The following PRKCZ variants were observed in gnomAD, a reference collection of about 807,000 sequenced individuals.
The protein encoded by PRKCZ is protein kinase C zeta, also known as protein kinase C zeta type.
PRKCZ carries 33 observed loss-of-function variants against 79.5 expected under a neutral mutation model. That is an observed-to-expected ratio of 0.41 (90% CI 0.31 to 0.55). PRKCZ has a LOEUF of 0.55. Among genes scored for constraint, PRKCZ ranks in the 20% least tolerant of loss-of-function variants. The probability of loss-of-function intolerance (pLI) is 0.19; values close to 1 mark genes in which losing one functional copy is unlikely to be tolerated. For synonymous variants in PRKCZ, 342 were observed against 320.9 expected (o/e 1.07, Z -0.70); for missense variants, 578 against 813.5 (o/e 0.71, Z 3.52).
intron 5 of PRKCZ, chr1:2,142,560 TTGGG>T (rs1275629579): frequency 7.6e-6 from 2 of 262,764 alleles, no homozygotes; most frequent in East Asian, 2.6e-4. Flanking sequence ...ATCAGAGGTC[TTGGG>T]TGGGATGCCC....
At chr1:2,139,596 C>T (rs904596965) in intron 5 of PRKCZ, among the ~76,000 whole-genome samples, 1 of 152,036 alleles carries the variant, frequency 6.6e-6, no homozygotes, top group Admixed American at 6.5e-5. Flanking sequence ...CTCAAAACAA[C>T]ACAAAACAAA....
At chr1:2,051,072 C>T (rs897519808) in intron 1 of PRKCZ, 4 of 183,852 alleles carry the variant, frequency 2.2e-5, no homozygotes, top group Non-Finnish European at 3.4e-5. Flanking sequence ...TTAAAATCAG[C>T]GTTTCCTAAA....
At chr1:2,066,081 C>T (rs1466310228) in intron 4 of PRKCZ, among the ~76,000 whole-genome samples, 1 of 152,062 alleles carries the variant, frequency 6.6e-6, no homozygotes, top group African/African-American at 2.4e-5. Context: ...ATTTTTACAT[C>T]CGTGTTTATA....
chr1:2,174,934 G>A lies in PRKCZ; in HGVS notation c.1485+101G>A. On this transcript the variant is annotated intron_variant, in intron 15 of 17. Coordinates refer to ENST00000378567, the MANE Select transcript of PRKCZ (RefSeq NM_002744.6). This position sits in a 1 kb window ranked among gnomAD's most constrained non-coding sequence, Gnocchi z 6.2. ...TGGCCATTTTTTCATGTCGGCTGCTGTGTATCGGGTGTGTGGGTTGATTTT... is the reference window on the plus strand; with the variant it reads ...TGGCCATTTTTTCATGTCGGCTGCTATGTATCGGGTGTGTGGGTTGATTTT... 8.2e-7 allele frequency: 1 copy of A among 1,218,962 alleles called. No individual in the cohort carries two copies. Among genetic ancestry groups the A allele is most frequent in the Non-Finnish European group, 1.2e-6 (1 of 838,632 alleles). The allele number at this position is 1,218,962 out of a possible 1,614,324, so 75.5% of individuals were successfully genotyped here.
intron 4 of PRKCZ, chr1:2,073,815 C>T (rs1044330110): frequency 2.2e-4 from 231 of 1,037,258 alleles, no homozygotes; most frequent in Middle Eastern, 9.4e-4. Flanking sequence ...TTGTCGGGGC[C>T]GGAGGCGAGC....
At chr1:2,074,242 T>C (rs1347152445) in intron 4 of PRKCZ, 2 of 1,550,430 alleles carry the variant, frequency 1.3e-6, no homozygotes, top group Non-Finnish European at 8.7e-7. Flanking sequence ...AGGCAGGGGC[T>C]GCTGGAGGGA....
At chr1:2,105,318 T>TG (rs1261485050) in intron 4 of PRKCZ, among the ~76,000 whole-genome samples, 1 of 152,176 alleles carries the variant, frequency 6.6e-6, no homozygotes, top group African/African-American at 2.4e-5. Context: ...GCCCTGAGGT[T>TG]GGGGCTTGGT....
chr1:2,169,530 C>A lies in PRKCZ; in HGVS notation c.987C>A (p.Val329=). ...TCTCTCCCTGCAGGTTGTTCCTGGTCATTGAGTACGTCAACGGCGGGGACC... is the reference window on the plus strand; with the variant it reads ...TCTCTCCCTGCAGGTTGTTCCTGGTAATTGAGTACGTCAACGGCGGGGACC... ...CFQTTSRLFL[V]IEYVNGGDLM... is the part of the protein sequence containing the mutation. Residue 329 remains valine (V), a synonymous_variant, in exon 11 of 18, where the codon GTC becomes GTA. Transcript: ENST00000378567. The A allele has an allele frequency of 1.3e-6, 2 of 1,548,790 alleles. No individual in the cohort carries two copies. Among genetic ancestry groups the A allele is most frequent in the South Asian group, 2.4e-5 (2 of 83,926 alleles).
intron 4 of PRKCZ, among the ~76,000 whole-genome samples, chr1:2,129,833 C>T (rs1404440206): frequency 6.6e-6 from 1 of 152,218 alleles, no homozygotes; most frequent in African/African-American, 2.4e-5. Flanking sequence ...CCAGGTTCTC[C>T]ACAGCCTTTG....
intron 4 of PRKCZ, among the ~76,000 whole-genome samples, chr1:2,105,096 C>T (rs1668147090): frequency 6.6e-6 from 1 of 152,188 alleles, no homozygotes; most frequent in South Asian, 2.1e-4. Context: ...CAGCACACGT[C>T]TGTCGTGCCA....
In PRKCZ at chr1:2,050,684, C is replaced by G; in HGVS notation, c.54C>G (p.Leu18=). ...KMEGSGGRVR[L]KAHYGGDIFI... Reference sequence around the variant, plus strand: ...AAGGGAGCGGCGGCCGCGTCCGCCTCAAGGCGCATTACGGGGGGTGAGCGG... The same window carrying G: ...AAGGGAGCGGCGGCCGCGTCCGCCTGAAGGCGCATTACGGGGGGTGAGCGG... The change falls in exon 1 of 18, where the codon CTC becomes CTG. Residue 18 remains leucine (L), a synonymous_variant. Transcript: ENST00000378567. The G allele has an allele frequency of 3.3e-6, 4 of 1,226,960 alleles. No individual in the cohort carries two copies. Among genetic ancestry groups the G allele is most frequent in the Non-Finnish European group, 4.1e-6 (4 of 984,596 alleles). The allele number at this position is 1,226,960 out of a possible 1,614,324, so 76.0% of individuals were successfully genotyped here.
chr1:2,068,190 G>T (rs1452988319), intron 4 of PRKCZ, among the ~76,000 whole-genome samples: 4 of 152,234 alleles, frequency 2.6e-5, no homozygotes, highest in African/African-American at 9.6e-5. Flanking sequence ...GCCCGGCCCT[G>T]GTAACGGGAG....
chr1:2,115,102 A>G (rs1195694457), intron 4 of PRKCZ, among the ~76,000 whole-genome samples: 4 of 152,186 alleles, frequency 2.6e-5, no homozygotes, highest in Admixed American at 2.0e-4. Context: ...GTGCCTGCAG[A>G]TAGTTTTGCT....
intron 5 of PRKCZ, among the ~76,000 whole-genome samples, chr1:2,136,459 G>A (rs1173236337): frequency 1.3e-5 from 2 of 152,204 alleles, no homozygotes; most frequent in African/African-American, 2.4e-5. Flanking sequence ...CCTGGAGGAG[G>A]AGGCATCTGA....
At position 2,148,930 on chromosome 1, in the gene PRKCZ, T is replaced by C. The variant is rs1188749305; in HGVS notation, c.687+6T>C. 6.2e-7 allele frequency: 1 copy of C among 1,613,278 alleles called. No individual in the cohort carries two copies. The highest frequency in any genetic ancestry group is 8.5e-7 in the Non-Finnish European group (1 of 1,179,464). On this transcript the variant is annotated splice_donor_region_variant and intron_variant, in intron 8 of 17. Transcript: ENST00000378567. ...GCATTAAAGACGACTCGGAGGTGAG[T>C]GTGTGGAGCAGCTCGCTGCCATTTC... is the stretch of plus-strand genomic sequence containing the variant.
intron 4 of PRKCZ, among the ~76,000 whole-genome samples, chr1:2,117,086 A>G (rs1301056287): frequency 1.3e-5 from 2 of 152,036 alleles, no homozygotes; most frequent in African/African-American, 4.8e-5. Flanking sequence ...AGTAGCTGGG[A>G]CTACAGGTGT....
intron 1 of PRKCZ, 116 bp downstream of exon 1, chr1:2,050,817 G>C: frequency 1.6e-6 from 1 of 644,270 alleles, no homozygotes; most frequent in South Asian, 7.7e-5. Flanking sequence ...AGGTCGCTGC[G>C]GGCCCGGGGC....
Position 2,172,996 on chromosome 1 carries a change from C to T in PRKCZ, c.1285+608C>T, listed in dbSNP as rs262642. ...TGTGTGAAACGGGGACGTGGGCACG[C>T]GTGTGCAGCCCTGTGTGCGTGTGTG... On this transcript the variant is annotated intron_variant, in intron 13 of 17. Coordinates refer to ENST00000378567, the MANE Select transcript of PRKCZ (RefSeq NM_002744.6). The surrounding 1 kb of genome is among the most constrained non-coding windows in gnomAD (Gnocchi z 7.8). 0.28 allele frequency among the ~76,000 whole-genome samples: 42,673 copies of T among 151,510 alleles called. 6,118 individuals are homozygous for T. The highest frequency in any genetic ancestry group is 0.36 in the Admixed American group (5,426 of 15,250).
At chr1:2,092,943 C>T (rs547628330) in intron 4 of PRKCZ, among the ~76,000 whole-genome samples, 1 of 152,348 alleles carries the variant, frequency 6.6e-6, no homozygotes, top group Non-Finnish European at 1.5e-5. Context: ...TAGAGGGCCC[C>T]AGGCCTCGGG....
Sources: gnomAD v4.1 joint callset for allele counts (sites outside exome capture counted in the v4.1 genomes callset) on GRCh38, gnomAD v4.1.1 for gene constraint, Gnocchi (gnomAD v3.1) non-coding constraint, MANE v1.5 for transcripts, NCBI Gene and HGNC (gene_info 2026-07-23, HGNC 2026-07-21) for gene names.